AP1B1: variants seen among roughly 807,000 people sequenced by gnomAD.
AP1B1 encodes AP-1 complex subunit beta-1.
In AP1B1, 36 loss-of-function variants were observed where a neutral mutation model predicts 104.3. The ratio of observed to expected loss-of-function variants is 0.35; its 90% CI spans 0.26 to 0.46. The LOEUF is 0.46. AP1B1 is among the 20% of genes least tolerant of loss of function. The pLI is 1.00. For synonymous variants in AP1B1, 504 were observed against 517.5 expected (o/e 0.97, Z 0.35); for missense variants, 901 against 1,247.9 (o/e 0.72, Z 4.19).
At chr22:29,357,512 C>T (rs1216772649) in intron 5 of AP1B1, among the ~76,000 whole-genome samples, 1 of 151,616 alleles carries the variant, frequency 6.6e-6, no homozygotes, top group Non-Finnish European at 1.5e-5. Context: ...ATTACAGGCA[C>T]GCACCACCAT....
chr22:29,360,026 C>G, intron 3 of AP1B1, 67 bp from the exon 4 acceptor site: 4 of 1,551,462 alleles, frequency 2.6e-6, no homozygotes, highest in Non-Finnish European at 3.5e-6. Flanking sequence ...TTTCAGGCTG[C>G]TAACTAGTGG....
At chr22:29,372,487 G>A (rs1480907098) in intron 1 of AP1B1, among the ~76,000 whole-genome samples, 1 of 151,150 alleles carries the variant, frequency 6.6e-6, no homozygotes, top group East Asian at 1.9e-4. Flanking sequence ...CTAAAATATA[G>A]TAGCTTTCTC....
At position 29,352,070 on chromosome 22, in the gene AP1B1, G is replaced by C. The variant is rs376553708; in HGVS notation, c.939-245C>G. Among the ~76,000 whole-genome samples the C allele has an allele frequency of 1.2e-3, 186 of 152,336 alleles. 2 individuals carry two copies. Among genetic ancestry groups the C allele is most frequent in the African/African-American group, 4.2e-3 (176 of 41,570 alleles). On this transcript the variant is annotated intron_variant, in intron 7 of 22. Coordinates refer to ENST00000357586, the MANE Select transcript of AP1B1 (RefSeq NM_001127.4). Reference sequence around the variant, plus strand: ...AGGGAGACGGAGGGCAGTGAGAGACGGCTCACTCACTCTCCAGAGGCAGCA... The same window carrying C: ...AGGGAGACGGAGGGCAGTGAGAGACCGCTCACTCACTCTCCAGAGGCAGCA...
intron 16 of AP1B1, among the ~76,000 whole-genome samples, chr22:29,336,987 T>G (rs2061647241): frequency 6.6e-6 from 1 of 152,160 alleles, no homozygotes; most frequent in Admixed American, 6.6e-5. Context: ...ATATTGGGCT[T>G]CTGGTGAGTA....
intron 1 of AP1B1, among the ~76,000 whole-genome samples, chr22:29,378,822 G>A (rs1378191717): frequency 1.4e-5 from 2 of 140,946 alleles, no homozygotes; most frequent in African/African-American, 2.7e-5. Flanking sequence ...TCGTGTCACT[G>A]CACTCCAGCC....
rs139725350 is a variant in AP1B1 at position 29,351,100 on chromosome 22, G to C, written c.1155+71C>G. 87 of 1,444,474 alleles carry C rather than the reference G, an allele frequency of 6.0e-5. No homozygotes were observed. In the African/African-American group the frequency reaches 1.2e-3, roughly 20 times the overall value. The allele number at this position is 1,444,474 out of a possible 1,614,324, so 89.5% of individuals were successfully genotyped here. A position where few individuals can be genotyped will look rare whatever the true frequency, so the allele number is the denominator to read the frequency against. ...ACAAGCAAGCTGGCAGATTCTGCTT[G>C]AATCAGACTGGTTTCCCGGTTTCAG... On this transcript the variant is annotated intron_variant, in intron 9 of 22. Coordinates refer to ENST00000357586, the MANE Select transcript of AP1B1 (RefSeq NM_001127.4).
intron 11 of AP1B1, among the ~76,000 whole-genome samples, chr22:29,348,288 C>T (rs1358742268): frequency 2.6e-5 from 4 of 152,226 alleles, no homozygotes; most frequent in African/African-American, 9.6e-5. Context: ...TAAGGCAACA[C>T]TCATGTTTCA....
At chr22:29,365,601 A>G (rs577746851) in intron 2 of AP1B1, among the ~76,000 whole-genome samples, 2 of 152,044 alleles carry the variant, frequency 1.3e-5, no homozygotes, top group South Asian at 4.2e-4. Context: ...TACCTCTCCA[A>G]TTGCTTTCTC....
chr22:29,371,300 A>T (rs2062233007), intron 1 of AP1B1, among the ~76,000 whole-genome samples: 1 of 152,246 alleles, frequency 6.6e-6, no homozygotes, highest in Middle Eastern at 3.2e-3. Flanking sequence ...TCAGACTCAT[A>T]GATGCCATGA....
chr22:29,329,729 C>A lies in AP1B1; in HGVS notation c.2767-9G>T. On this transcript the variant is annotated splice_polypyrimidine_tract_variant and intron_variant, in intron 21 of 22. Coordinates refer to ENST00000357586, the MANE Select transcript of AP1B1 (RefSeq NM_001127.4). ...CTGCTAACCTCTAAGTCCTGCACCA[C>A]GGGAACCAGCAGGGAAGGTGACATG... 6.2e-7 allele frequency: 1 copy of A among 1,613,540 alleles called. No individual in the cohort carries two copies. The highest frequency in any genetic ancestry group is 8.5e-7 in the Non-Finnish European group (1 of 1,179,690).
Position 29,328,829 on chromosome 22 carries a change from TGAGGATGGTCTCGTAGGCCTGGTAC to T in AP1B1, c.2817_2841del (p.Tyr940ArgfsTer56). The T allele has an allele frequency of 6.2e-7, 1 of 1,606,812 alleles. No individual in the cohort carries two copies. The highest frequency in any genetic ancestry group is 8.5e-7 in the Non-Finnish European group (1 of 1,178,404). ...GGGCGCTGGCCGGGGTCTCAGTTCT[TGAGGATGGTCTCGTAGGCCTGGTAC>T]ACGTGCTGGGACACCTCTGGTGCTC... On this transcript the variant is annotated frameshift_variant, in exon 23 of 23. Coordinates refer to ENST00000357586, the MANE Select transcript of AP1B1 (RefSeq NM_001127.4). LOFTEE classifies it high-confidence loss of function. The surrounding 1 kb of genome is among the most constrained non-coding windows in gnomAD (Gnocchi z 4.1).
Position 29,340,837 on chromosome 22 carries a change from G to C in AP1B1, c.1817C>G (p.Pro606Arg). The change falls in exon 14 of 23, where the codon CCT becomes CGT. Residue 606 changes from proline to arginine, a missense_variant. Coordinates refer to ENST00000357586, the MANE Select transcript of AP1B1 (RefSeq NM_001127.4). ...RTASSESAES[P>R]ETAPTGAPPG... ...AGGTGCTCCAGTAGGGGCTGTCTCA[G>C]GGCTCTCTGCGCTCTCACTCCTGCC... 8 of 1,596,884 alleles carry C rather than the reference G, an allele frequency of 5.0e-6. No individual in the cohort carries two copies. Among genetic ancestry groups the C allele is most frequent in the Non-Finnish European group, 6.8e-6 (8 of 1,173,590 alleles).
intron 3 of AP1B1, among the ~76,000 whole-genome samples, chr22:29,361,288 C>T (rs368179765): frequency 1.2e-3 from 176 of 141,322 alleles, no homozygotes; most frequent in South Asian, 6.9e-3. Flanking sequence ...GCTTGGGGGG[C>T]GATCCATGGG....
At chr22:29,366,833 GACACACACACACACAC>G (rs200885223) in intron 2 of AP1B1, among the ~76,000 whole-genome samples, 160 of 131,400 alleles carry the variant, frequency 1.2e-3, no homozygotes, top group East Asian at 7.2e-3. Flanking sequence ...CTTGGATAAG[GACACACACACACACAC>G]ACACACACAC....
At chr22:29,329,953 C>T in intron 21 of AP1B1, 1 of 1,420,606 alleles carries the variant, frequency 7.0e-7, no homozygotes, top group Non-Finnish European at 9.2e-7. Context: ...TCCAGGACAA[C>T]TGTGTGCCCC....
intron 11 of AP1B1, among the ~76,000 whole-genome samples, chr22:29,344,071 T>C (rs1467325999): frequency 6.7e-6 from 1 of 149,334 alleles, no homozygotes; most frequent in Non-Finnish European, 1.5e-5. Context: ...GGTCTCGCCA[T>C]TGCACTCCAG....
At position 29,385,361 on chromosome 22, in the gene AP1B1, G is replaced by A. The variant is rs534696500; in HGVS notation, c.-28+3063C>T. Among the ~76,000 whole-genome samples, 3 of 152,288 alleles carry A rather than the reference G, an allele frequency of 2.0e-5. No homozygotes were observed. In the South Asian group the frequency reaches 6.2e-4, roughly 32 times the overall value. ...TGACAGCTCCACTGTACTACAGTCT[G>A]GGTAACAAGCCAAGATCCTGTCTCG... On this transcript the variant is annotated intron_variant, in intron 1 of 22. Coordinates refer to ENST00000357586, the MANE Select transcript of AP1B1 (RefSeq NM_001127.4).
chr22:29,382,409 A>C (rs998471039), intron 1 of AP1B1, among the ~76,000 whole-genome samples: 1 of 152,112 alleles, frequency 6.6e-6, no homozygotes, highest in Non-Finnish European at 1.5e-5. Context: ...TTATTCATAC[A>C]TTTCCTGAGC....
chr22:29,387,268 G>A (rs1478371385), intron 1 of AP1B1, among the ~76,000 whole-genome samples: 1 of 150,102 alleles, frequency 6.7e-6, no homozygotes, highest in Non-Finnish European at 1.5e-5. Flanking sequence ...GCTACATCGT[G>A]ACATAAATCC....
Sources: allele counts gnomAD v4.1 joint callset (sites outside exome capture counted in the v4.1 genomes callset), GRCh38; gene constraint gnomAD v4.1.1; non-coding constraint Gnocchi (gnomAD v3.1); transcripts MANE v1.5; gene names NCBI Gene and HGNC (gene_info 2026-07-23, HGNC 2026-07-21).